Variants in RPS6KC1 observed in about 807,000 individuals in gnomAD.
The protein encoded by RPS6KC1 is ribosomal protein S6 kinase C1.
In RPS6KC1, 54 loss-of-function variants were observed where a neutral mutation model predicts 103.8. That is an observed-to-expected ratio of 0.52 (90% CI 0.42 to 0.65). RPS6KC1 has a LOEUF of 0.65. RPS6KC1 is among the 30% of genes least tolerant of loss of function. RPS6KC1 has a pLI of 0.00. For synonymous variants in RPS6KC1, 439 were observed against 438.7 expected, an observed-to-expected ratio of 1.00 and a Z score of -0.01; for missense variants, 1,151 against 1,253.8, an observed-to-expected ratio of 0.92 and a Z score of 1.24.
At chr1:213,075,430 T>C (rs1340984711) in intron 2 of RPS6KC1, among the ~76,000 whole-genome samples, 3 of 152,210 alleles carry the variant, frequency 2.0e-5, no homozygotes, top group African/African-American at 7.2e-5. Flanking sequence ...TCACTGCGTA[T>C]GCTGAGAAAC....
At chr1:213,674,730 C>T in the RPS6KC1 span, among the ~76,000 whole-genome samples, 1 of 152,216 alleles carries the variant, frequency 6.6e-6, no homozygotes, top group African/African-American at 2.4e-5. Flanking sequence ...AGGGGCTGAA[C>T]TAATTTACAT....
chr1:213,439,272 C>T, the RPS6KC1 span, among the ~76,000 whole-genome samples: 3 of 152,280 alleles, frequency 2.0e-5, no homozygotes, highest in South Asian at 2.1e-4. Context: ...GTGTGTTTCT[C>T]ATTTCTCCAG....
Position 213,161,997 on chromosome 1 carries a change from AC to A in RPS6KC1, c.836-5859del, listed in dbSNP as rs534591898. On this transcript the variant is annotated intron_variant, in intron 6 of 14. Coordinates refer to ENST00000366960, the MANE Select transcript of RPS6KC1 (RefSeq NM_012424.6). ...GGGGGTCAGGAGACTTTCCATGTTT[AC>A]CAGATTAAAAACTCATAATTTATGT... is the stretch of plus-strand genomic sequence containing the variant. Among the ~76,000 whole-genome samples the A allele has an allele frequency of 3.9e-5, 6 of 152,314 alleles. No homozygotes were observed. In the East Asian group the frequency reaches 1.2e-3, roughly 29 times the overall value.
At chr1:213,701,591 CTTG>C in the RPS6KC1 span, among the ~76,000 whole-genome samples, 2 of 151,930 alleles carry the variant, frequency 1.3e-5, no homozygotes, top group East Asian at 1.9e-4. Context: ...GATCTCATTA[CTTG>C]TTGTTGGTTT....
At chr1:213,716,855 T>G in the RPS6KC1 span, among the ~76,000 whole-genome samples, 1 of 152,318 alleles carries the variant, frequency 6.6e-6, no homozygotes, top group African/African-American at 2.4e-5. Context: ...ATTTATAACA[T>G]CCCTATGAAA....
chr1:213,366,239 A>G, the RPS6KC1 span, among the ~76,000 whole-genome samples: 6 of 152,088 alleles, frequency 3.9e-5, no homozygotes, highest in African/African-American at 1.4e-4. Flanking sequence ...ACATTTTCTC[A>G]TCTGTAATGC....
At chr1:213,594,165 TA>T in the RPS6KC1 span, among the ~76,000 whole-genome samples, 1 of 152,100 alleles carries the variant, frequency 6.6e-6, no homozygotes, top group Non-Finnish European at 1.5e-5. Flanking sequence ...ATGCCCAGCC[TA>T]AAAATGGAAG....
the RPS6KC1 span, among the ~76,000 whole-genome samples, chr1:213,294,190 A>C: frequency 6.6e-6 from 1 of 152,226 alleles, no homozygotes; most frequent in African/African-American, 2.4e-5. Context: ...AGCTCAGCTA[A>C]TTTTGATAAC....
chr1:213,475,031 A>T, the RPS6KC1 span, among the ~76,000 whole-genome samples: 1 of 152,208 alleles, frequency 6.6e-6, no homozygotes, highest in Non-Finnish European at 1.5e-5. Flanking sequence ...GCCTCACGGA[A>T]GCTGTGAGGA....
chr1:213,800,583 C>T, the RPS6KC1 span, among the ~76,000 whole-genome samples: 2 of 152,144 alleles, frequency 1.3e-5, no homozygotes, highest in African/African-American at 4.8e-5. Flanking sequence ...CCTCACTGTG[C>T]TGTCCCATAC....
chr1:213,237,402 TA>T (rs2094245973), intron 10 of RPS6KC1, among the ~76,000 whole-genome samples: 1 of 152,114 alleles, frequency 6.6e-6, no homozygotes, highest in Non-Finnish European at 1.5e-5. Context: ...GTAAAATGCT[TA>T]GAATAGTACC....
intron 7 of RPS6KC1, among the ~76,000 whole-genome samples, chr1:213,173,921 C>A (rs1306765020): frequency 6.6e-6 from 1 of 151,888 alleles, no homozygotes; most frequent in Non-Finnish European, 1.5e-5. Flanking sequence ...AAATAACTTT[C>A]TTTGGAAACT....
chr1:213,059,373 G>T lies in RPS6KC1; in HGVS notation c.105+7864G>T, dbSNP rs979598164. On this transcript the variant is annotated intron_variant, in intron 1 of 14. Coordinates refer to ENST00000366960, the MANE Select transcript of RPS6KC1 (RefSeq NM_012424.6). ...TTTATTACACTGGCTATGACTTGTA[G>T]TCCACAGTCTTGAATAGGAGTGGTG... Among the ~76,000 whole-genome samples the T allele has an allele frequency of 2.0e-5, 3 of 152,270 alleles. No individual in the cohort carries two copies. In the East Asian group the frequency reaches 5.8e-4, roughly 29 times the overall value.
the RPS6KC1 span, among the ~76,000 whole-genome samples, chr1:213,346,509 GA>G: frequency 6.6e-6 from 1 of 152,258 alleles, no homozygotes; most frequent in South Asian, 2.1e-4. Flanking sequence ...GAATTATGAT[GA>G]AAATGATCAT....
the RPS6KC1 span, among the ~76,000 whole-genome samples, chr1:213,604,368 T>C: frequency 0.85 from 130,048 of 152,264 alleles, 55,960 homozygotes; most frequent in East Asian, 0.98. Context: ...TCAGTGCAGT[T>C]TTGCCATCAC....
At chr1:213,726,072 A>T in the RPS6KC1 span, among the ~76,000 whole-genome samples, 2 of 152,008 alleles carry the variant, frequency 1.3e-5, no homozygotes, top group African/African-American at 4.8e-5. Context: ...AGTTTTCTCC[A>T]TAATTGTTCT....
chr1:213,622,297 C>T, the RPS6KC1 span, among the ~76,000 whole-genome samples: 6 of 149,308 alleles, frequency 4.0e-5, no homozygotes, highest in Non-Finnish European at 7.4e-5. Flanking sequence ...CTGTTACAGG[C>T]ATGTACTTAT....
intron 8 of RPS6KC1, among the ~76,000 whole-genome samples, chr1:213,182,538 A>T (rs767280611): frequency 2.0e-4 from 31 of 152,026 alleles, no homozygotes; most frequent in Non-Finnish European, 4.0e-4. Flanking sequence ...ATTCTAAAAA[A>T]TGTTCAAATA....
chr1:213,778,012 A>G, the RPS6KC1 span, among the ~76,000 whole-genome samples: 4 of 152,168 alleles, frequency 2.6e-5, no homozygotes, highest in Non-Finnish European at 5.9e-5. Flanking sequence ...ACCCAAGGCC[A>G]CTCAGCTAGT....
Sources: allele counts gnomAD v4.1 joint callset (sites outside exome capture counted in the v4.1 genomes callset), GRCh38; gene constraint gnomAD v4.1.1; transcripts MANE v1.5; gene names NCBI Gene and HGNC (gene_info 2026-07-23, HGNC 2026-07-21).